LRRC17: variants seen among roughly 807,000 people sequenced by gnomAD.
The protein encoded by LRRC17 is leucine rich repeat containing 17.
Under a neutral mutation model 41.5 loss-of-function variants are expected in LRRC17, and 33 were observed. The ratio of observed to expected loss-of-function variants is 0.80; its 90% CI spans 0.60 to 1.06. LRRC17 has a LOEUF of 1.06. Ranked by LOEUF, LRRC17 falls within the 50% of genes least tolerant of loss-of-function variation. LRRC17 has a pLI of 0.00. For synonymous variants in LRRC17, 192 were observed against 197.0 expected (o/e 0.97, Z 0.21); for missense variants, 491 against 519.3 (o/e 0.95, Z 0.53).
At chr7:102,927,442 A>C (rs1363628478) in intron 1 of LRRC17, among the ~76,000 whole-genome samples, 1 of 152,200 alleles carries the variant, frequency 6.6e-6, no homozygotes, top group Non-Finnish European at 1.5e-5. Context: ...TAAAGATAGT[A>C]AAGGCTTATT....
At chr7:102,943,857 T>G (rs1367460411) in intron 3 of LRRC17, among the ~76,000 whole-genome samples, 3 of 152,182 alleles carry the variant, frequency 2.0e-5, no homozygotes, top group African/African-American at 7.2e-5. Context: ...AATTTCTGTC[T>G]TCATGACAGG....
intron 1 of LRRC17, chr7:102,931,840 A>G (rs1212330845): frequency 6.3e-7 from 1 of 1,586,422 alleles, no homozygotes; most frequent in South Asian, 1.1e-5. Flanking sequence ...GTAGCAAGTC[A>G]ATCTATATAA....
chr7:102,919,623 T>C (rs1195102598), intron 1 of LRRC17, among the ~76,000 whole-genome samples: 1 of 152,198 alleles, frequency 6.6e-6, no homozygotes, highest in Non-Finnish European at 1.5e-5. Context: ...AAAATCATGC[T>C]AGCTTCAGAC....
chr7:102,924,263 C>T (rs905373617), intron 1 of LRRC17, among the ~76,000 whole-genome samples: 1 of 148,586 alleles, frequency 6.7e-6, no homozygotes. Flanking sequence ...AAAAGTAAAA[C>T]TATGCTTAGC....
chr7:102,944,072 AAAAG>A (rs1230633205), intron 3 of LRRC17, 134 bp from the exon 4 acceptor site: 2 of 674,752 alleles, frequency 3.0e-6, no homozygotes, highest in Non-Finnish European at 4.7e-6. Flanking sequence ...AGCTCTGAGA[AAAAG>A]AAAGGAAAAG....
Position 102,933,774 on chromosome 7 carries a change from C to A in LRRC17, c.-140C>A. ...TAATATATATTTTTTTCTCTTCCAGCCTAGGGACTCCACGTACCCCAGCTG... is the reference window on the plus strand; with the variant it reads ...TAATATATATTTTTTTCTCTTCCAGACTAGGGACTCCACGTACCCCAGCTG... On this transcript the variant is annotated splice_region_variant and 5_prime_UTR_variant, in exon 2 of 4. Coordinates refer to ENST00000339431, the MANE Select transcript of LRRC17 (RefSeq NM_001031692.3). The A allele has an allele frequency of 1.3e-6, 1 of 796,762 alleles. No individual in the cohort carries two copies. The highest frequency in any genetic ancestry group is 2.0e-6 in the Non-Finnish European group (1 of 512,012). 49.4% of individuals were successfully genotyped at this position (796,762 alleles called of 1,614,324 possible). A position where few individuals can be genotyped will look rare whatever the true frequency, so the allele number is the denominator to read the frequency against.
Position 102,926,824 on chromosome 7 carries a change from A to G in LRRC17, c.-140-6950A>G, listed in dbSNP as rs979604296. On this transcript the variant is annotated intron_variant, in intron 1 of 3. Coordinates refer to ENST00000339431, the MANE Select transcript of LRRC17 (RefSeq NM_001031692.3). ...TTAGTAACAGTCCATATTTATACACATATACATTTATACATAGATGTGTGT... is the reference window on the plus strand; with the variant it reads ...TTAGTAACAGTCCATATTTATACACGTATACATTTATACATAGATGTGTGT... 3.3e-5 allele frequency among the ~76,000 whole-genome samples: 5 copies of G among 152,220 alleles called. No individual in the cohort carries two copies. The South Asian group carries it at 8.3e-4, about 25-fold the overall frequency.
Position 102,934,646 on chromosome 7 carries a change from T to C in LRRC17, c.733T>C (p.Tyr245His). ...PEVDSTFCHN[Y>H]VFPIQTLDCK... ...GGTGGACTCAACTTTTTGCCACAATTATGTGTTTCCCATACAAACACTGGA... is the reference window on the plus strand; with the variant it reads ...GGTGGACTCAACTTTTTGCCACAATCATGTGTTTCCCATACAAACACTGGA... The change falls in exon 2 of 4, where the codon TAT becomes CAT. Residue 245 changes from tyrosine to histidine, a missense_variant. Tyr to His is a moderately conservative substitution (Grantham distance 83). Coordinates refer to ENST00000339431, the MANE Select transcript of LRRC17 (RefSeq NM_001031692.3). The C allele has an allele frequency of 4.4e-6, 7 of 1,605,692 alleles. No homozygotes were observed. Among genetic ancestry groups the C allele is most frequent in the South Asian group, 1.1e-5 (1 of 88,978 alleles).
intron 1 of LRRC17, among the ~76,000 whole-genome samples, chr7:102,922,604 A>G (rs1817273575): frequency 6.6e-6 from 1 of 152,230 alleles, no homozygotes; most frequent in South Asian, 2.1e-4. Flanking sequence ...TAGCCAATCA[A>G]TTCTCACACA....
At chr7:102,939,290 C>T (rs1820929150) in intron 2 of LRRC17, 140 bp from the exon 3 acceptor site, 2 of 649,332 alleles carry the variant, frequency 3.1e-6, no homozygotes, top group Non-Finnish European at 5.1e-6. Context: ...AGGCTTGTTT[C>T]ATACTAACTT....
At chr7:102,938,854 C>G (rs1820834222) in intron 2 of LRRC17, among the ~76,000 whole-genome samples, 1 of 152,166 alleles carries the variant, frequency 6.6e-6, no homozygotes, top group African/African-American at 2.4e-5. Context: ...TTTTGCATTT[C>G]CTGGTATTAC....
chr7:102,934,761 C>A, intron 2 of LRRC17, 76 bp downstream of exon 2: 1 of 1,255,180 alleles, frequency 8.0e-7, no homozygotes, highest in Non-Finnish European at 1.1e-6. Flanking sequence ...CTCCCTACAT[C>A]CCACCATGTC....
chr7:102,944,230 C>T lies in LRRC17; in HGVS notation c.949C>T (p.His317Tyr). The change falls in exon 4 of 4, where the codon CAT (histidine) becomes TAT (tyrosine). Residue 317 changes from histidine to tyrosine, a missense_variant. His to Tyr is a moderately conservative substitution (Grantham distance 83, BLOSUM62 2). Coordinates refer to ENST00000339431, the MANE Select transcript of LRRC17 (RefSeq NM_001031692.3). ...TCCAGCCGCTTTTTTAGGGCTCACA[C>T]ATTTAGAAGAATTAGATTTATCAAA... The part of the protein sequence containing the change: ...IDPAAFLGLT[H>Y]LEELDLSNNS... 1.9e-6 allele frequency: 3 copies of T among 1,608,834 alleles called. No individual in the cohort carries two copies.
Position 102,944,855 on chromosome 7 carries a change from T to C in LRRC17, c.*248T>C, listed in dbSNP as rs1385943641. The C allele has an allele frequency of 5.1e-6, 2 of 389,574 alleles. No homozygotes were observed. Among genetic ancestry groups the C allele is most frequent in the East Asian group, 8.3e-5 (2 of 24,026 alleles). 24.1% of individuals were successfully genotyped at this position (389,574 alleles called of 1,614,324 possible). On this transcript the variant is annotated 3_prime_UTR_variant, in exon 4 of 4. Coordinates refer to ENST00000339431, the MANE Select transcript of LRRC17 (RefSeq NM_001031692.3). ...TTCCACACTGGTAACCTGCAGCAGTTGGGTCCTAATGATGGCATTAGACTT... is the reference window on the plus strand; with the variant it reads ...TTCCACACTGGTAACCTGCAGCAGTCGGGTCCTAATGATGGCATTAGACTT...
At chr7:102,921,434 C>A (rs1351803650) in intron 1 of LRRC17, among the ~76,000 whole-genome samples, 1 of 152,118 alleles carries the variant, frequency 6.6e-6, no homozygotes, top group Non-Finnish European at 1.5e-5. Flanking sequence ...AATCCCAGCA[C>A]TTTGGGAGGC....
At chr7:102,926,705 T>C (rs1357562928) in intron 1 of LRRC17, among the ~76,000 whole-genome samples, 1 of 152,218 alleles carries the variant, frequency 6.6e-6, no homozygotes, top group Non-Finnish European at 1.5e-5. Context: ...CACTTCTGAC[T>C]CTTCATATGC....
In LRRC17 at chr7:102,944,495, T is replaced by C. The variant is rs1269154188; in HGVS notation, c.1214T>C (p.Leu405Ser). 2 of 1,613,898 alleles carry C rather than the reference T, an allele frequency of 1.2e-6. No individual in the cohort carries two copies. The highest frequency in any genetic ancestry group is 2.2e-5 in the East Asian group (1 of 44,882). Residue 405 changes from leucine (L) to serine (S), a missense_variant, in exon 4 of 4, where the codon TTA (leucine) becomes TCA (serine). Physicochemically the swap from Leu to Ser is moderately radical, Grantham distance 145 (BLOSUM62 -2). Coordinates refer to ENST00000339431, the MANE Select transcript of LRRC17 (RefSeq NM_001031692.3). ...TATGAAGAATGCCCCAAAGACAAGT[T>C]ACCAGCATATCCTGAGTCATTTGAC... ...SYYEECPKDK[L>S]PAYPESFDQD...
intron 1 of LRRC17, among the ~76,000 whole-genome samples, chr7:102,931,657 G>T (rs561261178): frequency 1.3e-5 from 2 of 152,142 alleles, no homozygotes; most frequent in Non-Finnish European, 2.9e-5. Flanking sequence ...GGTAGTCATT[G>T]AAGAATTTCT....
At chr7:102,932,044 T>C in intron 1 of LRRC17, 1 of 1,011,372 alleles carries the variant, frequency 9.9e-7, no homozygotes, top group Non-Finnish European at 1.4e-6. Context: ...ACAAAAACCT[T>C]GGCAAGTAAC....
Sources: allele counts gnomAD v4.1 joint callset (sites outside exome capture counted in the v4.1 genomes callset), GRCh38; gene constraint gnomAD v4.1.1; transcripts MANE v1.5; gene names NCBI Gene and HGNC (gene_info 2026-07-23, HGNC 2026-07-21).